The following DOCK4 variants were observed in gnomAD, a reference collection of about 807,000 sequenced individuals.
The protein encoded by DOCK4 is dedicator of cytokinesis protein 4.
DOCK4 carries 97 observed loss-of-function variants against 268.1 expected under a neutral mutation model. The ratio of observed to expected loss-of-function variants is 0.36; its 90% CI spans 0.31 to 0.43. The LOEUF (loss-of-function observed/expected upper bound fraction) is 0.43, where lower values mean the gene tolerates loss of function less well. DOCK4 is among the 20% of genes least tolerant of loss of function. The pLI, the probability that DOCK4 is intolerant of heterozygous loss-of-function variation, is 1.00. For synonymous variants in DOCK4, 954 were observed against 887.2 expected, an observed-to-expected ratio of 1.08 and a Z score of -1.34; for missense variants, 2,145 against 2,455.7, an observed-to-expected ratio of 0.87 and a Z score of 2.67.
chr7:112,130,465 C>T (rs1813699285), intron 1 of DOCK4, among the ~76,000 whole-genome samples: 2 of 152,194 alleles, frequency 1.3e-5, no homozygotes, highest in Non-Finnish European at 2.9e-5. Flanking sequence ...AACAAGATGT[C>T]ATGGTTCTCC....
intron 3 of DOCK4, 59 bp from the exon 4 acceptor site, chr7:111,998,562 A>C: frequency 7.2e-7 from 1 of 1,384,098 alleles, no homozygotes; most frequent in Admixed American, 2.2e-5. Context: ...TGGTTTCACA[A>C]GTCATTTGTA....
intron 2 of DOCK4, 75 bp from the exon 3 acceptor site, chr7:112,000,609 T>C: frequency 8.9e-7 from 1 of 1,122,064 alleles, no homozygotes; most frequent in East Asian, 2.7e-5. Flanking sequence ...ATCAATCTGT[T>C]CTTTGCCGAT....
chr7:111,851,479 A>G (rs1403340875), intron 23 of DOCK4, among the ~76,000 whole-genome samples: 1 of 152,080 alleles, frequency 6.6e-6, no homozygotes, highest in Admixed American at 6.6e-5. Context: ...TCTGAAAGAA[A>G]ACATAGAAGA....
At chr7:111,765,462 G>A (rs1797707891) in intron 38 of DOCK4, among the ~76,000 whole-genome samples, 2 of 152,114 alleles carry the variant, frequency 1.3e-5, no homozygotes, top group African/African-American at 4.8e-5. Flanking sequence ...ACTTAATTCT[G>A]CTAGGCCCAC....
rs774823032 is a variant in DOCK4 at position 111,728,695 on chromosome 7, G to C, written c.5507C>G (p.Ser1836Cys). 3.7e-6 allele frequency: 6 copies of C among 1,613,158 alleles called. No individual in the cohort carries two copies. The highest frequency in any genetic ancestry group is 5.1e-6 in the Non-Finnish European group (6 of 1,179,612). ...LKGSVQSFTP[S>C]PVEYHSPGLI... ...TCCTGGCGAGTGGTACTCCACTGGAGAGGGGGTGAAAGACTGCACAGAGCC... is the reference window on the plus strand; with the variant it reads ...TCCTGGCGAGTGGTACTCCACTGGACAGGGGGTGAAAGACTGCACAGAGCC... Residue 1836 changes from serine (S) to cysteine (C), a missense_variant, in exon 53 of 53, where the codon TCT (serine) becomes TGT (cysteine). By Grantham distance (112) the Ser-to-Cys change is moderately radical. Coordinates refer to ENST00000428084, the MANE Select transcript of DOCK4 (RefSeq NM_001363540.2).
chr7:112,089,860 ACTT>A (rs1271281612), intron 1 of DOCK4, among the ~76,000 whole-genome samples: 3 of 152,008 alleles, frequency 2.0e-5, no homozygotes, highest in Non-Finnish European at 4.4e-5. Flanking sequence ...GGCCAATTAA[ACTT>A]CTTTTTTTAA....
intron 1 of DOCK4, among the ~76,000 whole-genome samples, chr7:112,017,065 G>A (rs966219612): frequency 6.6e-6 from 1 of 152,068 alleles, no homozygotes; most frequent in African/African-American, 2.4e-5. Context: ...ACTTATAAAG[G>A]AATCTAGATA....
In DOCK4 at chr7:112,195,375, C is replaced by G. The variant is rs1020024097; in HGVS notation, c.37+10727G>C. Among the ~76,000 whole-genome samples, 9 of 152,164 alleles carry G rather than the reference C, an allele frequency of 5.9e-5. No homozygotes were observed. In the South Asian group the frequency reaches 1.9e-3, roughly 32 times the overall value. ...TCCTCAGATCTTAATGTTTTTCATC[C>G]AGACTACTGGAGAAAACCTCAGAGG... On this transcript the variant is annotated intron_variant, in intron 1 of 52. Transcript: ENST00000428084.
intron 1 of DOCK4, among the ~76,000 whole-genome samples, chr7:112,122,723 C>T (rs781411085): frequency 1.3e-5 from 2 of 152,064 alleles, no homozygotes; most frequent in African/African-American, 2.4e-5. Flanking sequence ...TGCTTATGTG[C>T]TATATACTTT....
intron 50 of DOCK4, 97 bp from the exon 51 acceptor site, chr7:111,735,264 A>T (rs1585819855): frequency 1.3e-6 from 1 of 786,254 alleles, no homozygotes; most frequent in East Asian, 2.8e-5. Flanking sequence ...AGAATGAAAA[A>T]CTTAACTGGA....
At chr7:112,089,855 A>G (rs551305526) in intron 1 of DOCK4, among the ~76,000 whole-genome samples, 1 of 152,182 alleles carries the variant, frequency 6.6e-6, no homozygotes, top group East Asian at 1.9e-4. Context: ...TCATGGGCCA[A>G]TTAAACTTCT....
At chr7:111,730,327 A>T (rs1296857215) in intron 52 of DOCK4, among the ~76,000 whole-genome samples, 1 of 152,236 alleles carries the variant, frequency 6.6e-6, no homozygotes, top group Non-Finnish European at 1.5e-5. Context: ...GTGTTTTCCA[A>T]ACTTACTTGA....
At chr7:112,058,431 T>G (rs1449373338) in intron 1 of DOCK4, among the ~76,000 whole-genome samples, 1 of 152,216 alleles carries the variant, frequency 6.6e-6, no homozygotes, top group Non-Finnish European at 1.5e-5. Flanking sequence ...AAATTTAATT[T>G]GTGACCTTTC....
intron 26 of DOCK4, among the ~76,000 whole-genome samples, chr7:111,826,363 G>A (rs893498935): frequency 1.2e-4 from 18 of 152,144 alleles, no homozygotes; most frequent in African/African-American, 4.1e-4. Context: ...TATCCTGCAG[G>A]CATTGTGGAG....
intron 26 of DOCK4, 138 bp downstream of exon 26, chr7:111,834,450 G>C: frequency 3.1e-6 from 2 of 654,634 alleles, no homozygotes; most frequent in Non-Finnish European, 2.5e-6. Context: ...CAGATCTGTG[G>C]ATGAGGCTGA....
At chr7:112,147,044 C>A (rs1285133457) in intron 1 of DOCK4, among the ~76,000 whole-genome samples, 1 of 151,938 alleles carries the variant, frequency 6.6e-6, no homozygotes, top group Non-Finnish European at 1.5e-5. Flanking sequence ...AAGCAGGACT[C>A]CTAGTAATAT....
chr7:112,067,969 C>A (rs1398917124), intron 1 of DOCK4, among the ~76,000 whole-genome samples: 2 of 152,130 alleles, frequency 1.3e-5, no homozygotes, highest in African/African-American at 4.8e-5. Context: ...TTAATCACTA[C>A]ACTTAAGAAT....
At chr7:112,178,936 C>T (rs1018174567) in intron 1 of DOCK4, among the ~76,000 whole-genome samples, 3 of 152,098 alleles carry the variant, frequency 2.0e-5, no homozygotes, top group African/African-American at 7.2e-5. Context: ...GTATCTATTA[C>T]AAAGGTTTCC....
At chr7:111,944,091 C>A (rs1317590344) in intron 10 of DOCK4, among the ~76,000 whole-genome samples, 1 of 152,104 alleles carries the variant, frequency 6.6e-6, no homozygotes, top group African/African-American at 2.4e-5. Flanking sequence ...CCATAAAATG[C>A]CTGTTTTTAG....
Sources: gnomAD v4.1 joint callset for allele counts (sites outside exome capture counted in the v4.1 genomes callset) on GRCh38, gnomAD v4.1.1 for gene constraint, MANE v1.5 for transcripts, NCBI Gene and HGNC (gene_info 2026-07-23, HGNC 2026-07-21) for gene names.